Variants in PARD3B observed in about 807,000 individuals in gnomAD.
The protein encoded by PARD3B is partitioning defective 3 homolog B.
A neutral mutation model predicts 130.2 loss-of-function variants in PARD3B; 103 were observed. That is an observed-to-expected ratio of 0.79 (90% CI 0.67 to 0.93). PARD3B has a LOEUF of 0.93. Among genes scored for constraint, PARD3B ranks in the 40% least tolerant of loss-of-function variants. The pLI is 0.00. For missense variants in PARD3B, 1,609 were observed against 1,499.2 expected (o/e 1.07, Z -1.21); for synonymous variants, 583 against 553.2 (o/e 1.05, Z -0.76).
intron 2 of PARD3B, among the ~76,000 whole-genome samples, chr2:204,960,781 G>T (rs965675590): frequency 1.3e-5 from 2 of 152,042 alleles, no homozygotes; most frequent in Admixed American, 1.3e-4. Context: ...AGTGAGGTGC[G>T]GAGACAGGCA....
chr2:205,191,092 G>C (rs1442188824), intron 14 of PARD3B, among the ~76,000 whole-genome samples: 1 of 122,936 alleles, frequency 8.1e-6, no homozygotes, highest in Non-Finnish European at 1.7e-5. Flanking sequence ...AAAAAAAAAA[G>C]GCTACATAAC....
At chr2:205,085,868 ATGAC>A (rs72016865) in intron 4 of PARD3B, among the ~76,000 whole-genome samples, 3,768 of 152,278 alleles carry the variant, frequency 0.025, 141 homozygotes, top group African/African-American at 0.083. Context: ...ATATTTATGA[ATGAC>A]TGGGTTGCAC....
At chr2:204,792,112 T>C (rs994353292) in intron 2 of PARD3B, among the ~76,000 whole-genome samples, 1 of 152,202 alleles carries the variant, frequency 6.6e-6, no homozygotes, top group African/African-American at 2.4e-5. Context: ...AACTTGATAA[T>C]GAAAGTCAGA....
chr2:204,801,720 C>T (rs567448739), intron 2 of PARD3B, among the ~76,000 whole-genome samples: 9 of 152,212 alleles, frequency 5.9e-5, no homozygotes, highest in South Asian at 4.1e-4. Context: ...CTGAATGCTG[C>T]GGCCAGAACT....
At chr2:204,949,697 A>G (rs971969336) in intron 2 of PARD3B, among the ~76,000 whole-genome samples, 4 of 152,284 alleles carry the variant, frequency 2.6e-5, no homozygotes, top group African/African-American at 9.6e-5. Flanking sequence ...GCATTTTTTA[A>G]TTTAAAACTA....
chr2:205,572,575 T>A lies in PARD3B; in HGVS notation c.3260+19172T>A, dbSNP rs185814066. Among the ~76,000 whole-genome samples the A allele has an allele frequency of 8.5e-5, 13 of 152,228 alleles. No individual in the cohort carries two copies. The highest frequency in any genetic ancestry group is 6.5e-4 in the Admixed American group (10 of 15,280). The stretch of plus-strand genomic sequence containing the variant: ...CCCCAAACAACATGGTGAAACCTCA[T>A]CTCTACTAAAATACAAAAAATTAGC... On this transcript the variant is annotated intron_variant, in intron 22 of 22. Coordinates refer to ENST00000406610, the MANE Select transcript of PARD3B (RefSeq NM_001302769.2). The surrounding 1 kb of genome is among the most constrained non-coding windows in gnomAD (Gnocchi z 4.2).
chr2:205,196,467 T>C (rs2036687580), intron 15 of PARD3B, among the ~76,000 whole-genome samples: 1 of 152,218 alleles, frequency 6.6e-6, no homozygotes, highest in South Asian at 2.1e-4. Context: ...GTGATTTTTT[T>C]GCAACCCATT....
At chr2:204,944,384 A>G (rs1403069168) in intron 2 of PARD3B, among the ~76,000 whole-genome samples, 1 of 152,152 alleles carries the variant, frequency 6.6e-6, no homozygotes, top group Non-Finnish European at 1.5e-5. Flanking sequence ...GATACCTGAA[A>G]GGGCAAGGAG....
At chr2:205,243,272 C>A (rs78974313) in intron 15 of PARD3B, among the ~76,000 whole-genome samples, 10,718 of 152,034 alleles carry the variant, frequency 0.07, 490 homozygotes, top group Middle Eastern at 0.21. Flanking sequence ...TTTTGTTTCT[C>A]ATTAATGATG....
chr2:205,260,276 A>G (rs2040252050), intron 16 of PARD3B, among the ~76,000 whole-genome samples: 1 of 152,212 alleles, frequency 6.6e-6, no homozygotes, highest in African/African-American at 2.4e-5. Context: ...AAACAGTGGC[A>G]TATGAGGTCC....
chr2:204,979,193 G>A (rs546355155), intron 3 of PARD3B, among the ~76,000 whole-genome samples: 27 of 148,992 alleles, frequency 1.8e-4, no homozygotes, highest in African/African-American at 4.8e-4. Flanking sequence ...GCGACAGAGC[G>A]AGACTCTGTC....
At chr2:204,553,846 A>G (rs2125046433) in intron 1 of PARD3B, among the ~76,000 whole-genome samples, 1 of 151,302 alleles carries the variant, frequency 6.6e-6, no homozygotes, top group South Asian at 2.1e-4. Context: ...CTCACTCATA[A>G]GTGGGAGTTC....
intron 1 of PARD3B, among the ~76,000 whole-genome samples, chr2:204,616,754 G>A (rs2034126977): frequency 6.6e-6 from 1 of 152,276 alleles, no homozygotes; most frequent in South Asian, 2.1e-4. Context: ...AATAAATGAT[G>A]GTACATCCAG....
In PARD3B at chr2:204,562,619, G is replaced by A. The variant is rs143103639; in HGVS notation, c.120+16500G>A. On this transcript the variant is annotated intron_variant, in intron 1 of 22. Coordinates refer to ENST00000406610, the MANE Select transcript of PARD3B (RefSeq NM_001302769.2). Reference sequence around the variant, plus strand: ...TTTCTTTTGTCATGACATGGTGATAGTATTGGTAACTTTAAATATTAGGTC... The same window carrying A: ...TTTCTTTTGTCATGACATGGTGATAATATTGGTAACTTTAAATATTAGGTC... Among the ~76,000 whole-genome samples, 942 of 152,242 alleles carry A rather than the reference G, an allele frequency of 6.2e-3. 10 individuals are homozygous for A. The highest frequency in any genetic ancestry group is 0.021 in the African/African-American group (880 of 41,524).
rs149464706 is a variant in PARD3B at position 204,898,955 on chromosome 2, C to T, written c.223-66197C>T. 7.6e-3 allele frequency among the ~76,000 whole-genome samples: 1,161 copies of T among 151,894 alleles called. 17 individuals are homozygous for T. The highest frequency in any genetic ancestry group is 0.026 in the African/African-American group (1,060 of 41,444). On this transcript the variant is annotated intron_variant, in intron 2 of 22. Transcript: ENST00000406610. ...TATAGCTACTCCTGCTCATTTTTGT[C>T]TTCCATAGGCATGAACTATCTTTTT...
chr2:204,700,189 C>T (rs1574743689), intron 2 of PARD3B, among the ~76,000 whole-genome samples: 1 of 152,076 alleles, frequency 6.6e-6, no homozygotes, highest in East Asian at 1.9e-4. Context: ...TCCCTGGTAT[C>T]TTAATTCAAT....
At chr2:205,459,576 G>A (rs543615373) in intron 20 of PARD3B, among the ~76,000 whole-genome samples, 2 of 152,148 alleles carry the variant, frequency 1.3e-5, no homozygotes, top group Non-Finnish European at 1.5e-5. Context: ...CACTGAAAAG[G>A]TTAGTGATTA....
intron 1 of PARD3B, among the ~76,000 whole-genome samples, chr2:204,553,622 A>G (rs62180288): frequency 1.6e-5 from 1 of 63,728 alleles, no homozygotes; most frequent in Non-Finnish European, 3.3e-5. Flanking sequence ...GGCTATATAC[A>G]TATATATGGA....
chr2:204,853,717 G>T (rs2044803819), intron 2 of PARD3B, among the ~76,000 whole-genome samples: 2 of 152,208 alleles, frequency 1.3e-5, no homozygotes, highest in Non-Finnish European at 2.9e-5. Flanking sequence ...CACTTTGTAT[G>T]CATTTAGCAT....
Sources: allele counts gnomAD v4.1 joint callset (sites outside exome capture counted in the v4.1 genomes callset), GRCh38; gene constraint gnomAD v4.1.1; non-coding constraint Gnocchi (gnomAD v3.1); transcripts MANE v1.5; gene names NCBI Gene and HGNC (gene_info 2026-07-23, HGNC 2026-07-21).